EXT1: variants seen among roughly 807,000 people sequenced by gnomAD.
The protein encoded by EXT1 is exostosin-1.
In EXT1, 20 loss-of-function variants were observed where a neutral mutation model predicts 82.5. The ratio of observed to expected loss-of-function variants is 0.24; its 90% CI spans 0.17 to 0.35. EXT1 has a LOEUF of 0.35. Ranked by LOEUF, EXT1 falls within the 10% of genes least tolerant of loss-of-function variation. The pLI is 1.00. For synonymous variants in EXT1, 348 were observed against 350.8 expected, an observed-to-expected ratio of 0.99 and a Z score of 0.09; for missense variants, 757 against 936.5, an observed-to-expected ratio of 0.81 and a Z score of 2.50.
intron 1 of EXT1, among the ~76,000 whole-genome samples, chr8:118,098,517 G>C (rs1817659458): frequency 1.3e-5 from 2 of 152,092 alleles, no homozygotes; most frequent in South Asian, 4.2e-4. Context: ...AGCACTTTGG[G>C]AGGCCGAGGC....
intron 1 of EXT1, among the ~76,000 whole-genome samples, chr8:117,868,415 A>G (rs539196004): frequency 3.5e-4 from 54 of 152,242 alleles, no homozygotes; most frequent in African/African-American, 1.2e-3. Context: ...TGAAGCCAAT[A>G]TGGCTGGTCA....
chr8:118,047,470 C>T (rs533667965), intron 1 of EXT1, among the ~76,000 whole-genome samples: 4 of 152,214 alleles, frequency 2.6e-5, no homozygotes, highest in South Asian at 4.2e-4. Flanking sequence ...ACTCAATCAA[C>T]GTTAGCTACT....
intron 1 of EXT1, among the ~76,000 whole-genome samples, chr8:118,008,490 G>A (rs933196653): frequency 6.6e-6 from 1 of 152,000 alleles, no homozygotes; most frequent in Non-Finnish European, 1.5e-5. Flanking sequence ...CGAACTAGGT[G>A]ATCCACCCGC....
chr8:118,062,422 A>G (rs987878567), intron 1 of EXT1, among the ~76,000 whole-genome samples: 1 of 152,194 alleles, frequency 6.6e-6, no homozygotes, highest in Non-Finnish European at 1.5e-5. Flanking sequence ...TCAAGGACTC[A>G]GGAAGCAGAG....
chr8:118,097,000 G>T (rs999240199), intron 1 of EXT1, among the ~76,000 whole-genome samples: 2 of 152,156 alleles, frequency 1.3e-5, no homozygotes, highest in Admixed American at 6.5e-5. Flanking sequence ...GTCGGGCATG[G>T]TGCTGAGGCT....
intron 1 of EXT1, among the ~76,000 whole-genome samples, chr8:117,876,162 C>A (rs1812966759): frequency 6.6e-6 from 1 of 152,180 alleles, no homozygotes; most frequent in Admixed American, 6.5e-5. Flanking sequence ...GTGATAAATA[C>A]TCTATGTGGA....
Position 117,795,474 on chromosome 8 carries a change from C to T in EXT1, c.*4238G>A, listed in dbSNP as rs553839414. The T allele has an allele frequency of 7.5e-6, 1 of 133,846 alleles. No homozygotes were observed. The highest frequency in any genetic ancestry group is 2.6e-4 in the South Asian group (1 of 3,860). The allele number at this position is 133,846 out of a possible 1,614,324, so 8.3% of individuals were successfully genotyped here. On this transcript the variant is annotated 3_prime_UTR_variant, in exon 11 of 11. Transcript: ENST00000378204. ...AGACCACTATCTTAGGGTACTTAAT[C>T]CCCCAAGCTTTTTTTTTTTTTTAAA...
chr8:118,016,410 T>C (rs983400305), intron 1 of EXT1, among the ~76,000 whole-genome samples: 9 of 151,940 alleles, frequency 5.9e-5, no homozygotes, highest in Admixed American at 4.6e-4. Flanking sequence ...AATAAATGAA[T>C]AAATAAAGCC....
chr8:118,043,674 A>T (rs1586360767), intron 1 of EXT1, among the ~76,000 whole-genome samples: 1 of 152,258 alleles, frequency 6.6e-6, no homozygotes, highest in Admixed American at 6.5e-5. Flanking sequence ...ACTCCAATGC[A>T]GACACAGTGA....
intron 1 of EXT1, among the ~76,000 whole-genome samples, chr8:117,999,853 TAGTC>T (rs1199326516): frequency 6.6e-6 from 1 of 152,162 alleles, no homozygotes; most frequent in Admixed American, 6.5e-5. Flanking sequence ...TTATTTTTCA[TAGTC>T]AGAACATAAA....
At position 117,957,029 on chromosome 8, in the gene EXT1, C is replaced by T. The variant is rs538925838; in HGVS notation, c.963-119828G>A. Among the ~76,000 whole-genome samples the T allele has an allele frequency of 4.6e-5, 7 of 152,256 alleles. No individual in the cohort carries two copies. In the East Asian group the frequency reaches 5.8e-4, roughly 13 times the overall value. On this transcript the variant is annotated intron_variant, in intron 1 of 10. Transcript: ENST00000378204. ...GGCTGTAACAACAGAGTCATAATTT[C>T]CTTCTTAACTGGAACCATCTGATAG...
intron 1 of EXT1, among the ~76,000 whole-genome samples, chr8:117,840,000 G>C (rs13270460): frequency 0.98 from 149,745 of 152,296 alleles, 73,693 homozygotes; most frequent in Non-Finnish European, 1. Flanking sequence ...ATAGAAGGCC[G>C]ACCTTTCAGA....
At chr8:117,874,084 T>C (rs1369998695) in intron 1 of EXT1, among the ~76,000 whole-genome samples, 3 of 152,140 alleles carry the variant, frequency 2.0e-5, no homozygotes, top group African/African-American at 4.8e-5. Flanking sequence ...GTGAGTAAAT[T>C]TGGGTATAAT....
intron 1 of EXT1, among the ~76,000 whole-genome samples, chr8:118,058,140 A>G (rs532447408): frequency 1.3e-5 from 2 of 152,250 alleles, no homozygotes; most frequent in East Asian, 1.9e-4. Flanking sequence ...TCACACACAG[A>G]CAGACACAAA....
rs368634215 is a variant in EXT1 at position 117,818,426 on chromosome 8, G to T, written c.1632+9C>A. The T allele has an allele frequency of 6.2e-7, 1 of 1,613,612 alleles. No individual in the cohort carries two copies. Among genetic ancestry groups the T allele is most frequent in the Admixed American group, 1.7e-5 (1 of 60,024 alleles). On this transcript the variant is annotated intron_variant, in intron 7 of 10. Transcript: ENST00000378204. ...GTGGTTCCACATATAGGTCCCCTTC[G>T]AGTCTTACCTTGCTCTCTCCTTCAA...
At chr8:117,924,389 G>A (rs148042024) in intron 1 of EXT1, among the ~76,000 whole-genome samples, 4 of 152,272 alleles carry the variant, frequency 2.6e-5, no homozygotes, top group East Asian at 1.9e-4. Flanking sequence ...AAAAGCCAAC[G>A]GGAACAATGC....
Position 117,804,901 on chromosome 8 carries a change from AATCAAAG to A in EXT1, c.1884-15_1884-9del. On this transcript the variant is annotated splice_polypyrimidine_tract_variant and intron_variant, in intron 9 of 10. Transcript: ENST00000378204. Reference sequence around the variant, plus strand: ...TATAGGTAGTGATAATATCTGTAAAAATCAAAGATGGGTTTCACAGGGGGCCATTATC... The same window carrying A: ...TATAGGTAGTGATAATATCTGTAAAAATGGGTTTCACAGGGGGCCATTATC... 1 of 1,613,894 alleles carries A rather than the reference AATCAAAG, an allele frequency of 6.2e-7. No homozygotes were observed. The highest frequency in any genetic ancestry group is 1.3e-5 in the African/African-American group (1 of 75,010).
intron 1 of EXT1, among the ~76,000 whole-genome samples, chr8:117,866,826 T>G (rs1812781809): frequency 6.6e-6 from 1 of 151,806 alleles, no homozygotes; most frequent in Non-Finnish European, 1.5e-5. Flanking sequence ...TGAAGTGCAT[T>G]TTGTTCTGTT....
intron 1 of EXT1, among the ~76,000 whole-genome samples, chr8:118,057,838 T>C (rs932743305): frequency 2.6e-5 from 4 of 151,638 alleles, no homozygotes; most frequent in African/African-American, 9.7e-5. Context: ...CCAGGCACGG[T>C]GGCAGGCGCC....
Sources: gnomAD v4.1 joint callset for allele counts (sites outside exome capture counted in the v4.1 genomes callset) on GRCh38, gnomAD v4.1.1 for gene constraint, MANE v1.5 for transcripts, NCBI Gene and HGNC (gene_info 2026-07-23, HGNC 2026-07-21) for gene names.